The following RABGEF1 variants were observed in gnomAD, a reference collection of about 807,000 sequenced individuals.
The protein encoded by RABGEF1 is rab5 GDP/GTP exchange factor.
RABGEF1 carries 26 observed loss-of-function variants against 57.3 expected under a neutral mutation model. The ratio of observed to expected loss-of-function variants is 0.45; its 90% CI spans 0.33 to 0.63. The LOEUF is 0.63. Ranked by LOEUF, RABGEF1 falls within the 20% of genes least tolerant of loss-of-function variation. The pLI, the probability that RABGEF1 is intolerant of heterozygous loss-of-function variation, is 0.02. For synonymous variants in RABGEF1, 185 were observed against 210.7 expected, an observed-to-expected ratio of 0.88 and a Z score of 1.06; for missense variants, 464 against 607.6, an observed-to-expected ratio of 0.76 and a Z score of 2.48.
intron 2 of RABGEF1, 128 bp downstream of exon 2, chr7:66,772,206 G>C: frequency 1.5e-6 from 1 of 671,158 alleles, no homozygotes; most frequent in Non-Finnish European, 2.2e-6. Context: ...TAAGGAAAAG[G>C]ATGTTTTCCT....
the RABGEF1 span, among the ~76,000 whole-genome samples, chr7:66,676,358 GC>G: frequency 6.6e-6 from 1 of 152,030 alleles, no homozygotes; most frequent in Non-Finnish European, 1.5e-5. Context: ...GTTCCAGGAT[GC>G]CCACATATAC....
At chr7:66,695,082 C>G (rs940316828) in intron 1 of RABGEF1, among the ~76,000 whole-genome samples, 6 of 152,032 alleles carry the variant, frequency 3.9e-5, no homozygotes, top group African/African-American at 1.4e-4. Context: ...GAGGCCGAGG[C>G]GGGCGGATCA....
chr7:66,780,287 G>T (rs561978109), intron 3 of RABGEF1, among the ~76,000 whole-genome samples: 5 of 152,160 alleles, frequency 3.3e-5, no homozygotes, highest in Non-Finnish European at 7.3e-5. Context: ...GGATTTAAGC[G>T]CACAGACCTG....
chr7:66,655,348 C>T, the RABGEF1 span, among the ~76,000 whole-genome samples: 1 of 151,886 alleles, frequency 6.6e-6, no homozygotes, highest in African/African-American at 2.4e-5. Context: ...TCATAGGCAG[C>T]TGGCGGTGTC....
chr7:66,671,874 TG>T, the RABGEF1 span, among the ~76,000 whole-genome samples: 4 of 147,854 alleles, frequency 2.7e-5, no homozygotes, highest in African/African-American at 1.0e-4. Flanking sequence ...CTGAGTGCAG[TG>T]GCATGAGCAC....
rs1466729028 is a variant in RABGEF1, at chr7:66,730,151, G to A, written c.-814-9845G>A. Among the ~76,000 whole-genome samples the A allele has an allele frequency of 3.3e-5, 5 of 152,300 alleles. No individual in the cohort carries two copies. The South Asian group carries it at 6.2e-4, about 19-fold the overall frequency. On this transcript the variant is annotated intron_variant and NMD_transcript_variant, in intron 2 of 9. Coordinates refer to the RABGEF1 transcript ENST00000607882. Reference sequence around the variant, plus strand: ...AAGAGCAGCACTTCCTCACGTCCACGGAGAGTGCAACAGGGTGCAAGGCAT... The same window carrying A: ...AAGAGCAGCACTTCCTCACGTCCACAGAGAGTGCAACAGGGTGCAAGGCAT...
intron 2 of RABGEF1, among the ~76,000 whole-genome samples, chr7:66,726,154 C>T (rs897875318): frequency 5.9e-5 from 9 of 152,218 alleles, no homozygotes. Flanking sequence ...AAGCACCCAG[C>T]CTGGGCTTTG....
At chr7:66,663,265 A>G in the RABGEF1 span, among the ~76,000 whole-genome samples, 1 of 152,132 alleles carries the variant, frequency 6.6e-6, no homozygotes, top group Admixed American at 6.5e-5. Context: ...ATGTGGGTAA[A>G]TCTCTGTTTG....
chr7:66,784,200 AG>A (rs1810617749), intron 4 of RABGEF1, among the ~76,000 whole-genome samples: 1 of 152,230 alleles, frequency 6.6e-6, no homozygotes. Context: ...AGTAATTTTA[AG>A]GGTTGTTGTT....
At chr7:66,664,212 A>G in the RABGEF1 span, among the ~76,000 whole-genome samples, 2 of 152,170 alleles carry the variant, frequency 1.3e-5, no homozygotes, top group Non-Finnish European at 2.9e-5. Flanking sequence ...ATGGGGTGAC[A>G]GAAACCAGGT....
At chr7:66,726,214 A>G (rs1191648399) in intron 2 of RABGEF1, among the ~76,000 whole-genome samples, 1 of 152,176 alleles carries the variant, frequency 6.6e-6, no homozygotes, top group Non-Finnish European at 1.5e-5. Flanking sequence ...GTGCCTAGTC[A>G]GTGGGTGCTT....
intron 2 of RABGEF1, among the ~76,000 whole-genome samples, chr7:66,719,923 A>G (rs549571386): frequency 6.6e-6 from 1 of 152,176 alleles, no homozygotes; most frequent in Admixed American, 6.6e-5. Flanking sequence ...CCTGATGTGG[A>G]CCAGCAGTCT....
intron 1 of RABGEF1, among the ~76,000 whole-genome samples, chr7:66,686,373 A>C (rs1790637204): frequency 6.6e-6 from 1 of 152,088 alleles, no homozygotes; most frequent in Non-Finnish European, 1.5e-5. Flanking sequence ...TTCGGAGGCC[A>C]AAGTGGGAGG....
intron 5 of RABGEF1, among the ~76,000 whole-genome samples, chr7:66,795,913 C>T (rs1279493118): frequency 2.1e-4 from 32 of 152,104 alleles, no homozygotes; most frequent in African/African-American, 6.3e-4. Context: ...CTAAAGCAGG[C>T]GGATCACGTT....
chr7:66,704,464 G>A (rs1336932305), intron 1 of RABGEF1, among the ~76,000 whole-genome samples: 1 of 152,070 alleles, frequency 6.6e-6, no homozygotes, highest in Non-Finnish European at 1.5e-5. Flanking sequence ...TTCCCAAGTG[G>A]TTGTATCATT....
intron 1 of RABGEF1, among the ~76,000 whole-genome samples, chr7:66,711,441 G>A (rs1794768591): frequency 6.6e-6 from 1 of 150,676 alleles, no homozygotes; most frequent in Non-Finnish European, 1.5e-5. Flanking sequence ...GTGAGGTTAG[G>A]TTGAAGTTCA....
At chr7:66,747,508 G>A (rs1423013221) in intron 1 of RABGEF1, among the ~76,000 whole-genome samples, 1 of 152,110 alleles carries the variant, frequency 6.6e-6, no homozygotes, top group African/African-American at 2.4e-5. Flanking sequence ...TTGAATTTAT[G>A]GTGATTTGGT....
chr7:66,808,955 C>A lies in RABGEF1; in HGVS notation c.1147C>A (p.Arg383Ser). The change falls in exon 9 of 9, where the codon CGC (arginine) becomes AGC (serine). Residue 383 changes from arginine to serine, a missense_variant. Physicochemically the swap from Arg to Ser is moderately radical, Grantham distance 110. This residue lies in a region of RABGEF1 where 151 missense variants were observed against 152.2 expected (regional missense o/e 0.99). Transcript: ENST00000284957. ...SLNLSQEDFD[R>S]YMSGQTSPRK... ...GAATCTAAGTCAGGAGGATTTTGATCGCTACATGTCTGGCCAGACCTCTCC... is the reference window on the plus strand; with the variant it reads ...GAATCTAAGTCAGGAGGATTTTGATAGCTACATGTCTGGCCAGACCTCTCC... 1 of 1,613,572 alleles carries A rather than the reference C, an allele frequency of 6.2e-7. No individual in the cohort carries two copies. Among genetic ancestry groups the A allele is most frequent in the South Asian group, 1.1e-5 (1 of 91,016 alleles).
intron 3 of RABGEF1, among the ~76,000 whole-genome samples, chr7:66,776,122 C>CA (rs1808471053): frequency 6.6e-6 from 1 of 152,104 alleles, no homozygotes; most frequent in Admixed American, 6.6e-5. Flanking sequence ...TGTTGGTACT[C>CA]AGAGTTATGC....
Sources: gnomAD v4.1 joint callset for allele counts (sites outside exome capture counted in the v4.1 genomes callset) on GRCh38, gnomAD v4.1.1 for gene constraint, gnomAD v4.1.1 regional missense constraint, MANE v1.5 for transcripts, NCBI Gene and HGNC (gene_info 2026-07-23, HGNC 2026-07-21) for gene names.